The following BOP1 variants were observed in gnomAD, a reference collection of about 807,000 sequenced individuals.
BOP1 encodes the protein BOP1 ribosomal biogenesis factor, also known as ribosome biogenesis protein BOP1.
A neutral mutation model predicts 82.9 loss-of-function variants in BOP1; 54 were observed. The ratio of observed to expected loss-of-function variants is 0.65; its 90% CI spans 0.52 to 0.82. BOP1 has a LOEUF of 0.82. Ranked by LOEUF, BOP1 falls within the 40% of genes least tolerant of loss-of-function variation. BOP1 has a pLI of 0.00. For synonymous variants in BOP1, 566 were observed against 451.1 expected (o/e 1.25, Z -3.23); for missense variants, 1,170 against 1,072.0 (o/e 1.09, Z -1.28).
At chr8:144,277,905 ATTT>A (rs200503938) in intron 2 of BOP1, among the ~76,000 whole-genome samples, 1 of 92,296 alleles carries the variant, frequency 1.1e-5, no homozygotes. Flanking sequence ...CATTGAACGT[ATTT>A]TTTTTAACTT....
intron 3 of BOP1, among the ~76,000 whole-genome samples, chr8:144,270,195 A>G (rs1412458067): frequency 6.6e-6 from 1 of 152,180 alleles, no homozygotes; most frequent in Non-Finnish European, 1.5e-5. Context: ...CACCAAGGAC[A>G]GGGCAGAGCC....
Position 144,263,462 on chromosome 8 carries a change from C to T in BOP1, c.1424+16G>A, listed in dbSNP as rs1029746699. Reference sequence around the variant, plus strand: ...GTGCCACCCCTGGCTCCCCAGCCCCCAGGGCCTCCACTTACACGGCTGCAG... The same window carrying T: ...GTGCCACCCCTGGCTCCCCAGCCCCTAGGGCCTCCACTTACACGGCTGCAG... On this transcript the variant is annotated intron_variant, in intron 11 of 15. Coordinates refer to ENST00000569669, the MANE Select transcript of BOP1 (RefSeq NM_015201.5). The T allele has an allele frequency of 7.7e-5, 123 of 1,598,020 alleles. No homozygotes were observed. In the Admixed American group the frequency reaches 2.0e-3, roughly 25 times the overall value.
intron 15 of BOP1, 28 bp downstream of exon 15, chr8:144,262,368 G>A: frequency 1.2e-6 from 2 of 1,612,684 alleles, no homozygotes; most frequent in African/African-American, 1.3e-5. Flanking sequence ...CTGCCCTGGG[G>A]AGGGGGCCAG....
chr8:144,269,863 G>A (rs1005956139), intron 3 of BOP1, among the ~76,000 whole-genome samples: 1 of 152,302 alleles, frequency 6.6e-6, no homozygotes, highest in Admixed American at 6.5e-5. Flanking sequence ...GGTGAGTGAG[G>A]AGCAGGGTGG....
intron 2 of BOP1, among the ~76,000 whole-genome samples, chr8:144,278,167 G>A (rs906176861): frequency 1.1e-4 from 16 of 152,332 alleles, no homozygotes; most frequent in African/African-American, 3.4e-4. Context: ...GCGGGCGAGC[G>A]CCACTGGGCA....
At position 144,265,064 on chromosome 8, in the gene BOP1, CG is replaced by C; in HGVS notation, c.397del (p.Arg133GlyfsTer57). 6.2e-7 allele frequency: 1 copy of C among 1,609,534 alleles called. No individual in the cohort carries two copies. ...CAAGGGCACGTTGCCCACCGTGTTC[CG>C]GATGTCCTGCAGCCGGGGGCCACCA... The part of the protein sequence containing the change: ...AEDSSDEEDI[R>X]NTVGNVPLEW... On this transcript the variant is annotated frameshift_variant, in exon 4 of 16. Coordinates refer to ENST00000569669, the MANE Select transcript of BOP1 (RefSeq NM_015201.5). LOFTEE classifies it high-confidence loss of function.
chr8:144,288,243 C>T (rs1814935906), intron 2 of BOP1, among the ~76,000 whole-genome samples: 2 of 150,152 alleles, frequency 1.3e-5, no homozygotes, highest in East Asian at 3.9e-4. Context: ...GCACTCCAGC[C>T]TGGGCAACAG....
chr8:144,263,822 T>C lies in BOP1; in HGVS notation c.1221+9A>G. 1 of 1,610,664 alleles carries C rather than the reference T, an allele frequency of 6.2e-7. No individual in the cohort carries two copies. Among genetic ancestry groups the C allele is most frequent in the South Asian group, 1.1e-5 (1 of 90,816 alleles). On this transcript the variant is annotated intron_variant, in intron 9 of 15. Coordinates refer to ENST00000569669, the MANE Select transcript of BOP1 (RefSeq NM_015201.5). ...AGGGTGCAACCCCAGCCCCCTAGTC[T>C]CCACTTACCAGGGCCTGGCACGTGG...
In BOP1 at chr8:144,267,030, C is replaced by A. The variant is rs1290151676; in HGVS notation, c.391-1959G>T. 7.3e-6 allele frequency: 11 copies of A among 1,515,904 alleles called. No individual in the cohort carries two copies. In the East Asian group the frequency reaches 8.4e-5, roughly 12 times the overall value. 93.9% of individuals were successfully genotyped at this position (1,515,904 alleles called of 1,614,324 possible). On this transcript the variant is annotated intron_variant, in intron 3 of 15. Coordinates refer to ENST00000569669, the MANE Select transcript of BOP1 (RefSeq NM_015201.5). ...TGCTGGCGGGCGAGGCCTGCGGCGA[C>A]GGACAGCCCTGCCACTCCGGGCCCG... is the stretch of plus-strand genomic sequence containing the variant.
intron 3 of BOP1, among the ~76,000 whole-genome samples, chr8:144,270,226 G>GA (rs1845470168): frequency 6.6e-6 from 1 of 152,236 alleles, no homozygotes; most frequent in Non-Finnish European, 1.5e-5. Context: ...GGGAATGCAG[G>GA]AGGCCAGACA....
intron 2 of BOP1, among the ~76,000 whole-genome samples, chr8:144,283,711 T>C (rs990493634): frequency 2.0e-5 from 3 of 152,230 alleles, no homozygotes; most frequent in Admixed American, 6.5e-5. Flanking sequence ...GAGGAAAAGA[T>C]GAAGCAGCAA....
At chr8:144,284,405 G>C (rs181605608) in intron 2 of BOP1, among the ~76,000 whole-genome samples, 1 of 152,330 alleles carries the variant, frequency 6.6e-6, no homozygotes, top group Non-Finnish European at 1.5e-5. Context: ...TCAACTGTAA[G>C]AGCAAAAGCC....
At chr8:144,276,482 C>T (rs1239971010) in intron 2 of BOP1, among the ~76,000 whole-genome samples, 178 bp from the exon 3 acceptor site, 3 of 152,176 alleles carry the variant, frequency 2.0e-5, no homozygotes, top group African/African-American at 7.2e-5. Flanking sequence ...GTGGCTGGCA[C>T]CCGGCGCCGC....
chr8:144,269,015 C>T (rs1371132709), intron 3 of BOP1, among the ~76,000 whole-genome samples: 1 of 152,174 alleles, frequency 6.6e-6, no homozygotes, highest in Non-Finnish European at 1.5e-5. Flanking sequence ...GAGAGAGGGG[C>T]ATCTCCTCAT....
intron 3 of BOP1, among the ~76,000 whole-genome samples, chr8:144,266,266 T>A (rs915401106): frequency 6.6e-6 from 1 of 151,914 alleles, no homozygotes; most frequent in Non-Finnish European, 1.5e-5. Flanking sequence ...TTCCTCCGCA[T>A]CCCCAGAGAC....
At chr8:144,267,565 G>A (rs1310909250) in intron 3 of BOP1, among the ~76,000 whole-genome samples, 2 of 152,282 alleles carry the variant, frequency 1.3e-5, no homozygotes, top group Admixed American at 1.3e-4. Context: ...CAAGGCAAGA[G>A]AGGAAGGACC....
In BOP1 at chr8:144,263,332, C is replaced by T; in HGVS notation, c.1494G>A (p.Leu498=). ...DRLVAGSTDQ[L]LSAFVPPEEP... ...CCTCAGGCGGGACGAAGGCGCTCAA[C>T]AGCTGATCTGTGCTGCCCGCCACCA... Residue 498 remains leucine, a synonymous_variant, in exon 12 of 16, where the codon CTG becomes CTA. Coordinates refer to ENST00000569669, the MANE Select transcript of BOP1 (RefSeq NM_015201.5). 3.1e-6 allele frequency: 5 copies of T among 1,594,944 alleles called. No individual in the cohort carries two copies. The highest frequency in any genetic ancestry group is 4.2e-6 in the Non-Finnish European group (5 of 1,179,050).
intron 2 of BOP1, among the ~76,000 whole-genome samples, chr8:144,282,677 C>T (rs1417242280): frequency 6.6e-6 from 1 of 152,102 alleles, no homozygotes; most frequent in African/African-American, 2.4e-5. Context: ...ACAGCACCCA[C>T]CCCATCTTCT....
At chr8:144,264,170 G>A in intron 7 of BOP1, 28 bp from the exon 8 acceptor site, 1 of 1,610,212 alleles carries the variant, frequency 6.2e-7, no homozygotes, top group Middle Eastern at 1.8e-4. Flanking sequence ...CAGGGGTGGG[G>A]AGGGTCACAG....
Sources: allele counts gnomAD v4.1 joint callset (sites outside exome capture counted in the v4.1 genomes callset), GRCh38; gene constraint gnomAD v4.1.1; transcripts MANE v1.5; gene names NCBI Gene and HGNC (gene_info 2026-07-23, HGNC 2026-07-21).